BNIP3L: variants seen among roughly 807,000 people sequenced by gnomAD.
BNIP3L encodes the protein BCL2/adenovirus E1B 19 kDa protein-interacting protein 3-like.
Under a neutral mutation model 25.5 loss-of-function variants are expected in BNIP3L, and 10 were observed. The ratio of observed to expected loss-of-function variants is 0.39; its 90% CI spans 0.24 to 0.67. The LOEUF is 0.67. BNIP3L is among the 30% of genes least tolerant of loss of function. The pLI is 0.45. For synonymous variants in BNIP3L, 113 were observed against 101.2 expected (o/e 1.12, Z -0.70); for missense variants, 215 against 270.9 (o/e 0.79, Z 1.45).
chr8:26,384,374 G>A (rs532732725), intron 1 of BNIP3L, among the ~76,000 whole-genome samples: 1 of 152,338 alleles, frequency 6.6e-6, no homozygotes, highest in Admixed American at 6.5e-5. Flanking sequence ...GAGATTTTAA[G>A]ATGGATGCTG....
At chr8:26,409,464 C>T (rs1225916353) in intron 5 of BNIP3L, among the ~76,000 whole-genome samples, 1 of 152,154 alleles carries the variant, frequency 6.6e-6, no homozygotes, top group Non-Finnish European at 1.5e-5. Flanking sequence ...ATACAGCTTT[C>T]CACACACCCG....
In BNIP3L at chr8:26,383,060, G is replaced by C. The variant is rs555601756; in HGVS notation, c.-71G>C. 17 of 1,422,988 alleles carry C rather than the reference G, an allele frequency of 1.2e-5. No homozygotes were observed. Among genetic ancestry groups the C allele is most frequent in the African/African-American group, 1.0e-4 (7 of 70,304 alleles). The allele number at this position is 1,422,988 out of a possible 1,614,324, so 88.1% of individuals were successfully genotyped here. ...GCGCAGAAAAGGGGGCGGCGGACTC[G>C]GCTTGTTGTGTTGCTGCCTGAGTGC... On this transcript the variant is annotated 5_prime_UTR_variant, in exon 1 of 6. Transcript: ENST00000380629.
Position 26,395,309 on chromosome 8 carries a change from CG to C in BNIP3L, c.357+13del. ...CAGGGACCATAGCTCTCAGGTGTGT[CG>C]GGGGGATTCTGATTTACAGTAAACA... On this transcript the variant is annotated splice_region_variant and intron_variant, in intron 3 of 5. Transcript: ENST00000380629. 4 of 1,611,556 alleles carry C rather than the reference CG, an allele frequency of 2.5e-6. No individual in the cohort carries two copies. The highest frequency in any genetic ancestry group is 3.4e-6 in the Non-Finnish European group (4 of 1,178,634).
At chr8:26,384,659 A>G (rs1455501242) in intron 1 of BNIP3L, among the ~76,000 whole-genome samples, 2 of 151,818 alleles carry the variant, frequency 1.3e-5, no homozygotes, top group Non-Finnish European at 2.9e-5. Flanking sequence ...GCCTTGTCCA[A>G]GTTCACAACC....
rs933167457 is a variant in BNIP3L at position 26,411,399 on chromosome 8, C to T, written c.*987C>T. ...AGGAAGCATCACCTATACTCTGAAG[C>T]CTTTAAACTCTGAAGAGAATTGTTT... On this transcript the variant is annotated 3_prime_UTR_variant, in exon 6 of 6. Coordinates refer to ENST00000380629, the MANE Select transcript of BNIP3L (RefSeq NM_004331.3). 1.3e-5 allele frequency: 2 copies of T among 152,036 alleles called. No individual in the cohort carries two copies. Among genetic ancestry groups the T allele is most frequent in the Non-Finnish European group, 2.9e-5 (2 of 68,014 alleles). The allele number at this position is 152,036 out of a possible 1,614,324, so 9.4% of individuals were successfully genotyped here.
At chr8:26,403,311 T>G (rs76295526) in intron 3 of BNIP3L, among the ~76,000 whole-genome samples, 12,081 of 152,200 alleles carry the variant, frequency 0.079, 642 homozygotes, top group Non-Finnish European at 0.11. Flanking sequence ...AATTTAAAAA[T>G]TAATTTCTTT....
At chr8:26,410,265 T>A in intron 5 of BNIP3L, 99 bp from the exon 6 acceptor site, 1 of 1,401,150 alleles carries the variant, frequency 7.1e-7, no homozygotes, top group South Asian at 1.2e-5. Flanking sequence ...TTAGAGCCTT[T>A]TACAAAGACT....
chr8:26,389,306 CCT>C (rs1186283576), intron 1 of BNIP3L, among the ~76,000 whole-genome samples: 2 of 152,130 alleles, frequency 1.3e-5, no homozygotes, highest in African/African-American at 2.4e-5. Context: ...TCCCCCACCC[CCT>C]TTCTCTCCAG....
rs753998478 is a variant in BNIP3L at position 26,410,399 on chromosome 8, C to T, written c.647C>T (p.Ala216Val). 1 of 1,614,098 alleles carries T rather than the reference C, an allele frequency of 6.2e-7. No homozygotes were observed. The highest frequency in any genetic ancestry group is 8.5e-7 in the Non-Finnish European group (1 of 1,179,986). The change falls in exon 6 of 6, where the codon GCC (alanine) becomes GTC (valine). Residue 216 changes from alanine to valine, a missense_variant. Around this residue, in one of 4 missense-constraint regions of BNIP3L, gnomAD observed 63 missense variants for 98.8 expected, o/e 0.64. Coordinates refer to ENST00000380629, the MANE Select transcript of BNIP3L (RefSeq NM_004331.3). ...GGAAAGCGACTGAGCACACCCTCTG[C>T]CAGCACCTACTGAGGGAAAGGAAAA... Reference protein sequence around the residue: ...YIGKRLSTPSASTY With the variant: ...YIGKRLSTPSVSTY
Position 26,383,247 on chromosome 8 carries a change from G to C in BNIP3L, c.100+17G>C. On this transcript the variant is annotated intron_variant, in intron 1 of 5. Transcript: ENST00000380629. ...GCCTCAACAGTGAGTGCGGGGCCGA[G>C]GCTCTGTGAAGGGGATGGGGGAGGA... 1 of 1,599,472 alleles carries C rather than the reference G, an allele frequency of 6.3e-7. No individual in the cohort carries two copies. The highest frequency in any genetic ancestry group is 8.5e-7 in the Non-Finnish European group (1 of 1,173,688).
At chr8:26,393,339 C>G (rs1441048039) in intron 2 of BNIP3L, among the ~76,000 whole-genome samples, 8 of 147,722 alleles carry the variant, frequency 5.4e-5, no homozygotes, top group African/African-American at 1.8e-4. Flanking sequence ...GCTGGGAACC[C>G]CAGTGTGTTC....
intron 3 of BNIP3L, chr8:26,395,673 C>T (rs78067841): frequency 0.24 from 48,230 of 199,562 alleles, 6,389 homozygotes; most frequent in Non-Finnish European, 0.31. Context: ...GCATGAGCGA[C>T]GCAGAAGACG....
At chr8:26,387,511 A>G (rs1185808599) in intron 1 of BNIP3L, among the ~76,000 whole-genome samples, 1 of 152,202 alleles carries the variant, frequency 6.6e-6, no homozygotes, top group Non-Finnish European at 1.5e-5. Context: ...TTTCCAAGTA[A>G]AAAGGGACTT....
intron 1 of BNIP3L, among the ~76,000 whole-genome samples, chr8:26,384,836 T>A (rs1805954189): frequency 6.7e-6 from 1 of 149,508 alleles, no homozygotes; most frequent in East Asian, 2.0e-4. Context: ...TAGCTGGGAC[T>A]ACAGGTGCCT....
rs1326558924 is a variant in BNIP3L, at chr8:26,383,071, TTGC to T, written c.-56_-54del. 6 of 1,464,696 alleles carry T rather than the reference TTGC, an allele frequency of 4.1e-6. No homozygotes were observed. In the African/African-American group the frequency reaches 8.4e-5, roughly 21 times the overall value. The allele number at this position is 1,464,696 out of a possible 1,614,324, so 90.7% of individuals were successfully genotyped here. ...GGGGCGGCGGACTCGGCTTGTTGTG[TTGC>T]TGCCTGAGTGCCGGAGACGGTCCTG... is the stretch of plus-strand genomic sequence containing the variant. On this transcript the variant is annotated 5_prime_UTR_variant, in exon 1 of 6. Transcript: ENST00000380629.
At chr8:26,407,921 C>A in intron 3 of BNIP3L, 79 bp from the exon 4 acceptor site, 1 of 1,276,872 alleles carries the variant, frequency 7.8e-7, no homozygotes, top group Non-Finnish European at 1.1e-6. Flanking sequence ...AGTTTGGTAT[C>A]TTTTCTGTCT....
At chr8:26,383,382 C>G (rs963331543) in intron 1 of BNIP3L, 152 bp downstream of exon 1, 2 of 1,451,390 alleles carry the variant, frequency 1.4e-6, no homozygotes, top group African/African-American at 2.9e-5. Flanking sequence ...CGTCCCCTGT[C>G]AAGAGGAGGG....
intron 3 of BNIP3L, among the ~76,000 whole-genome samples, chr8:26,401,110 T>C (rs930526641): frequency 9.3e-5 from 13 of 139,556 alleles, no homozygotes; most frequent in African/African-American, 2.8e-4. Flanking sequence ...TAAAGACACA[T>C]GCACACGTAT....
intron 3 of BNIP3L, among the ~76,000 whole-genome samples, chr8:26,398,135 T>A (rs973591602): frequency 2.2e-5 from 2 of 92,216 alleles, no homozygotes; most frequent in African/African-American, 4.2e-5. Context: ...AATAGACGTC[T>A]ACAGAACTCT....
Sources: allele counts gnomAD v4.1 joint callset (sites outside exome capture counted in the v4.1 genomes callset), GRCh38; gene constraint gnomAD v4.1.1; regional missense constraint gnomAD v4.1.1; transcripts MANE v1.5; gene names NCBI Gene and HGNC (gene_info 2026-07-23, HGNC 2026-07-21).